VSIG4: variants seen among roughly 807,000 people sequenced by gnomAD.
The protein encoded by VSIG4 is V-set and immunoglobulin domain-containing protein 4.
In VSIG4, 34 loss-of-function variants were observed where a neutral mutation model predicts 23.4. The observed-to-expected ratio is 1.45, with a 90% CI of 1.10 to 1.93. The LOEUF (loss-of-function observed/expected upper bound fraction) is 1.93, where lower values mean the gene tolerates loss of function less well. Ranked by LOEUF, VSIG4 falls within the 30% of genes most tolerant of loss-of-function variation. VSIG4 has a pLI of 0.00. For missense variants in VSIG4, 433 were observed against 310.8 expected (o/e 1.39, Z -2.96); for synonymous variants, 169 against 120.3 (o/e 1.41, Z -2.65).
chrX:66,030,607 T>A (rs1244334902), intron 3 of VSIG4, among the ~76,000 whole-genome samples: 1 of 109,857 alleles, frequency 9.1e-6, no homozygotes, highest in African/African-American at 3.3e-5. Flanking sequence ...AGGAGGGTAG[T>A]TGATAAAATT....
At position 66,022,339 on chromosome X, in the gene VSIG4, C is replaced by A. The variant is rs201820205; in HGVS notation, c.1124G>T (p.Gly375Val). ...TGTGTCCAGCAGGCGGGCGTAGTTG[C>A]CATTGATCTGGGCGATGATCTGGTA... Reference protein sequence around the residue: ...QEYQIIAQINGNYARLLDTVP... With the variant: ...QEYQIIAQINVNYARLLDTVP... Residue 375 changes from glycine (G) to valine (V), a missense_variant, in exon 8 of 8, where the codon GGC (glycine) becomes GTC (valine). Transcript: ENST00000374737. 1 of 1,212,138 alleles carries A rather than the reference C, an allele frequency of 8.2e-7. No homozygotes were observed. The highest frequency in any genetic ancestry group is 1.1e-6 in the Non-Finnish European group (1 of 895,564).
chrX:66,022,972 A>T, intron 6 of VSIG4, 110 bp from the exon 7 acceptor site: 2 of 851,639 alleles, frequency 2.3e-6, no homozygotes, highest in East Asian at 6.3e-5. Flanking sequence ...AGAGGAGGGG[A>T]TTTTAATATG....
At chrX:66,030,473 G>A (rs1026545763) in intron 3 of VSIG4, among the ~76,000 whole-genome samples, 6 of 111,224 alleles carry the variant, frequency 5.4e-5, no homozygotes, top group African/African-American at 1.6e-4. Flanking sequence ...GAGGATAAAG[G>A]GTATTGCAGG....
intron 1 of VSIG4, among the ~76,000 whole-genome samples, chrX:66,034,909 A>G (rs1248498760): frequency 1.8e-5 from 2 of 110,653 alleles, no homozygotes; most frequent in East Asian, 5.7e-4. Flanking sequence ...TATTTAGGCA[A>G]TATATTCATG....
rs533765275 is a variant in VSIG4 at position 66,025,202 on chromosome X, C to T, written c.836-73G>A. On this transcript the variant is annotated intron_variant, in intron 5 of 7. Transcript: ENST00000374737. ...AGAAACAAAAACTCTAAGAAACAGC[C>T]TAGACTAAGCCAGGCCTTTTTCTTT... The T allele has an allele frequency of 3.0e-5, 22 of 723,568 alleles. No individual in the cohort carries two copies. In the South Asian group the frequency reaches 4.2e-4, roughly 14 times the overall value. The allele number at this position is 723,568 out of a possible 1,213,427, so 59.6% of individuals were successfully genotyped here.
At chrX:66,038,534 C>A (rs1032038693) in intron 1 of VSIG4, among the ~76,000 whole-genome samples, 2 of 110,686 alleles carry the variant, frequency 1.8e-5, no homozygotes, top group African/African-American at 6.6e-5. Flanking sequence ...TACACACACA[C>A]AAACAAAGGA....
At chrX:66,038,178 C>G (rs886799871) in intron 1 of VSIG4, among the ~76,000 whole-genome samples, 5 of 111,168 alleles carry the variant, frequency 4.5e-5, no homozygotes, top group African/African-American at 1.3e-4. Flanking sequence ...CTCTTAGCCC[C>G]ACAGGAAGAG....
At position 66,022,197 on chromosome X, in the gene VSIG4, G is replaced by A. The variant is rs756724675; in HGVS notation, c.*66C>T. 5.8e-6 allele frequency: 7 copies of A among 1,210,078 alleles called. No homozygotes were observed. The African/African-American group carries it at 7.0e-5, about 12-fold the overall frequency. On this transcript the variant is annotated 3_prime_UTR_variant, in exon 8 of 8. Coordinates refer to ENST00000374737, the MANE Select transcript of VSIG4 (RefSeq NM_007268.3). ...CAGGAAGAGAGGTAGCAGGGAAGAA[G>A]GCCATGCAGAAGGCAAGGACTGACT...
chrX:66,032,243 ATC>A (rs764939446), intron 3 of VSIG4, among the ~76,000 whole-genome samples: 20 of 111,719 alleles, frequency 1.8e-4, no homozygotes, highest in South Asian at 3.7e-4. Flanking sequence ...GTGCTAGTAA[ATC>A]TCTCTTTCCT....
intron 3 of VSIG4, among the ~76,000 whole-genome samples, chrX:66,028,558 C>CTTTT (rs34660062): frequency 5.4e-5 from 4 of 74,254 alleles, no homozygotes; most frequent in Admixed American, 1.6e-4. Context: ...ACGTAATCAA[C>CTTTT]TTTTTTTTTT....
intron 2 of VSIG4, 62 bp downstream of exon 2, chrX:66,033,412 A>G: frequency 1.9e-6 from 2 of 1,045,729 alleles, no homozygotes; most frequent in Non-Finnish European, 2.6e-6. Context: ...AGGCTTTTCT[A>G]GAATTACATC....
intron 4 of VSIG4, 127 bp from the exon 5 acceptor site, chrX:66,027,653 A>G (rs1189590670): frequency 1.1e-5 from 6 of 527,401 alleles, no homozygotes; most frequent in African/African-American, 4.6e-5. Flanking sequence ...GTACCTGACC[A>G]TGTTATCAAC....
At chrX:66,026,408 C>T (rs2085391268) in intron 5 of VSIG4, among the ~76,000 whole-genome samples, 1 of 111,875 alleles carries the variant, frequency 8.9e-6, no homozygotes. Context: ...AAATAGGGCG[C>T]AGACCCAACA....
intron 1 of VSIG4, among the ~76,000 whole-genome samples, chrX:66,036,251 T>A (rs895922802): frequency 1.8e-5 from 2 of 109,936 alleles, no homozygotes; most frequent in East Asian, 5.7e-4. Flanking sequence ...TCCTCCTGCT[T>A]CATTAGTTGC....
intron 3 of VSIG4, among the ~76,000 whole-genome samples, chrX:66,029,657 C>A (rs997566795): frequency 1.2e-4 from 13 of 111,166 alleles, no homozygotes; most frequent in Non-Finnish European, 1.9e-5. Flanking sequence ...AAAGAAAGAG[C>A]CTAATAAGGT....
intron 1 of VSIG4, among the ~76,000 whole-genome samples, chrX:66,035,180 C>A (rs1303639435): frequency 9.0e-6 from 1 of 111,029 alleles, no homozygotes; most frequent in Non-Finnish European, 1.9e-5. Context: ...AAGAAAAAGC[C>A]CTTGAGTAGA....
chrX:66,033,929 C>T (rs190951322), intron 1 of VSIG4, 99 bp from the exon 2 acceptor site: 94 of 657,676 alleles, frequency 1.4e-4, no homozygotes, highest in Middle Eastern at 5.3e-4. Flanking sequence ...CTGAGAAATG[C>T]CACTCAACTT....
chrX:66,035,420 G>C (rs769339777), intron 1 of VSIG4, among the ~76,000 whole-genome samples: 2 of 112,226 alleles, frequency 1.8e-5, no homozygotes, highest in South Asian at 7.4e-4. Flanking sequence ...AATCAGAGCT[G>C]TCTATGGATG....
Position 66,021,970 on chromosome X carries a change from G to A in VSIG4, c.*293C>T. 2 of 950,400 alleles carry A rather than the reference G, an allele frequency of 2.1e-6. No individual in the cohort carries two copies. The highest frequency in any genetic ancestry group is 2.8e-5 in the Admixed American group (1 of 36,139). 78.3% of individuals were successfully genotyped at this position (950,400 alleles called of 1,213,427 possible). On this transcript the variant is annotated 3_prime_UTR_variant, in exon 8 of 8. Transcript: ENST00000374737. The stretch of plus-strand genomic sequence containing the variant: ...TGCCAAAGTTGAATAGTGTCTGTAG[G>A]CATGATGACCAAGTCCTAGTGCTAT...
Sources: allele counts gnomAD v4.1 joint callset (sites outside exome capture counted in the v4.1 genomes callset), GRCh38; gene constraint gnomAD v4.1.1; transcripts MANE v1.5; gene names NCBI Gene and HGNC (gene_info 2026-07-23, HGNC 2026-07-21).